KRT71: variants seen among roughly 807,000 people sequenced by gnomAD.
KRT71 encodes the protein keratin 71.
KRT71 carries 42 observed loss-of-function variants against 46.2 expected under a neutral mutation model. The observed-to-expected ratio is 0.91, with a 90% CI of 0.71 to 1.18. KRT71 has a LOEUF of 1.18. KRT71 is among the 50% of genes most tolerant of loss of function. The pLI, the probability that KRT71 is intolerant of heterozygous loss-of-function variation, is 0.00. For missense variants in KRT71, 708 were observed against 677.9 expected (o/e 1.04, Z -0.49); for synonymous variants, 292 against 277.8 (o/e 1.05, Z -0.51).
In KRT71 at chr12:52,549,288, C is replaced by G. The variant is rs1017252675; in HGVS notation, c.717+5G>C. The G allele has an allele frequency of 5.0e-6, 8 of 1,612,878 alleles. No homozygotes were observed. The African/African-American group carries it at 1.1e-4, about 22-fold the overall frequency. ...CCCGGGACTCAGGGCCTGCCTTCCC[C>G]TCACCTTCTTGAGCAGCACAAACTC... On this transcript the variant is annotated splice_donor_5th_base_variant and intron_variant, in intron 3 of 8. Coordinates refer to ENST00000267119, the MANE Select transcript of KRT71 (RefSeq NM_033448.3).
chr12:52,546,369 C>T lies in KRT71; in HGVS notation c.1242G>A (p.Glu414=). 6.2e-7 allele frequency: 1 copy of T among 1,614,188 alleles called. No homozygotes were observed. The highest frequency in any genetic ancestry group is 8.5e-7 in the Non-Finnish European group (1 of 1,180,032). ...GCTTCAGGCTCATGAGCTCCTGGTA[C>T]TCGCGCAGCATCCGCGCCAGCTCCT... The part of the protein sequence containing the change: ...AKEELARMLR[E]YQELMSLKLA... Residue 414 remains glutamate, a synonymous_variant, in exon 7 of 9, where the codon GAG becomes GAA. Coordinates refer to ENST00000267119, the MANE Select transcript of KRT71 (RefSeq NM_033448.3).
At chr12:52,551,636 T>A (rs980892174) in intron 1 of KRT71, among the ~76,000 whole-genome samples, 1 of 152,110 alleles carries the variant, frequency 6.6e-6, no homozygotes, top group Non-Finnish European at 1.5e-5. Flanking sequence ...GGTTGACCCG[T>A]CCTTGGTGCC....
intron 4 of KRT71, 38 bp downstream of exon 4, chr12:52,548,663 G>A (rs774445333): frequency 6.4e-7 from 1 of 1,570,492 alleles, no homozygotes; most frequent in Admixed American, 1.7e-5. Context: ...TAACCCACCA[G>A]CCTCCCCTAG....
At chr12:52,550,923 TC>T (rs1939158000) in intron 1 of KRT71, among the ~76,000 whole-genome samples, 1 of 152,228 alleles carries the variant, frequency 6.6e-6, no homozygotes. Context: ...AAATGTGACT[TC>T]CCTTAATCTA....
At chr12:52,548,504 G>A (rs550064454) in intron 4 of KRT71, among the ~76,000 whole-genome samples, 188 bp from the exon 5 acceptor site, 13 of 152,314 alleles carry the variant, frequency 8.5e-5, no homozygotes, top group African/African-American at 2.4e-4. Context: ...TCCCACTGCC[G>A]TGGAGCAAGG....
rs1939081956 is a variant in KRT71 at position 52,547,840 on chromosome 12, G to A, written c.1104+17C>T. 6.2e-7 allele frequency: 1 copy of A among 1,613,200 alleles called. No homozygotes were observed. The highest frequency in any genetic ancestry group is 8.5e-7 in the Non-Finnish European group (1 of 1,179,568). ...TCCCCTGCACTTGACCACAGGCCAA[G>A]GCCAACGTGCTCTCACCTGCTTCTT... On this transcript the variant is annotated intron_variant, in intron 6 of 8. Transcript: ENST00000267119.
chr12:52,549,269 A>G lies in KRT71; in HGVS notation c.717+24T>C, dbSNP rs373915200. The G allele has an allele frequency of 3.7e-5, 59 of 1,599,576 alleles. No individual in the cohort carries two copies. The African/African-American group carries it at 7.4e-4, about 20-fold the overall frequency. Reference sequence around the variant, plus strand: ...TCCAGGTCCCAGGCCAGCCCCCGGGACTCAGGGCCTGCCTTCCCCTCACCT... The same window carrying G: ...TCCAGGTCCCAGGCCAGCCCCCGGGGCTCAGGGCCTGCCTTCCCCTCACCT... On this transcript the variant is annotated intron_variant, in intron 3 of 8. Coordinates refer to ENST00000267119, the MANE Select transcript of KRT71 (RefSeq NM_033448.3).
At chr12:52,545,107 T>C (rs1939037464) in intron 8 of KRT71, among the ~76,000 whole-genome samples, 1 of 152,224 alleles carries the variant, frequency 6.6e-6, no homozygotes, top group Admixed American at 6.5e-5. Flanking sequence ...GCAGGCATCT[T>C]TCCCAAGCTC....
intron 6 of KRT71, among the ~76,000 whole-genome samples, chr12:52,546,717 A>G (rs1037259292): frequency 1.3e-5 from 2 of 152,250 alleles, no homozygotes; most frequent in African/African-American, 4.8e-5. Flanking sequence ...GGGTGATGGA[A>G]ATCATGCAGC....
chr12:52,547,934 T>A lies in KRT71; in HGVS notation c.1027A>T (p.Asn343Tyr), dbSNP rs1939085038. 1 of 1,614,106 alleles carries A rather than the reference T, an allele frequency of 6.2e-7. No individual in the cohort carries two copies. Among genetic ancestry groups the A allele is most frequent in the South Asian group, 1.1e-5 (1 of 91,080 alleles). Reference sequence around the variant, plus strand: ...AGCTCCGAGATTTCATTCTTGGTGTTTTTGAGGTCGTCCCCATGCCTGCCA... The same window carrying A: ...AGCTCCGAGATTTCATTCTTGGTGTATTTGAGGTCGTCCCCATGCCTGCCA... ...AAGRHGDDLK[N>Y]TKNEISELTR... is the part of the protein sequence containing the mutation. Residue 343 changes from asparagine to tyrosine, a missense_variant, in exon 6 of 9, where the codon AAC (asparagine) becomes TAC (tyrosine). Physicochemically the swap from Asn to Tyr is moderately radical, Grantham distance 143 (BLOSUM62 -2). Transcript: ENST00000267119.
chr12:52,550,091 G>A lies in KRT71; in HGVS notation c.594C>T (p.Asp198=), dbSNP rs1939140370. ...TCAGCTCCGAGTCCAGCCTCACCCT[G>A]TCCCCAGACAGCGTCTCCAGCTGCT... ...LRKQLETLSG[D]RVRLDSELRN... is the part of the protein sequence containing the mutation. The change falls in exon 2 of 9, where the codon GAC becomes GAT. Residue 198 remains aspartate (D), a synonymous_variant. Coordinates refer to ENST00000267119, the MANE Select transcript of KRT71 (RefSeq NM_033448.3). 2 of 1,614,022 alleles carry A rather than the reference G, an allele frequency of 1.2e-6. No individual in the cohort carries two copies. Among genetic ancestry groups the A allele is most frequent in the Non-Finnish European group, 1.7e-6 (2 of 1,180,012 alleles).
chr12:52,545,716 A>G (rs766646237), intron 7 of KRT71, 117 bp from the exon 8 acceptor site: 282 of 636,510 alleles, frequency 4.4e-4, no homozygotes, highest in Non-Finnish European at 2.6e-4. Context: ...CACCTGTGGA[A>G]ATTCCAAAGC....
intron 1 of KRT71, among the ~76,000 whole-genome samples, chr12:52,551,494 C>T (rs1565602836): frequency 6.6e-6 from 1 of 152,236 alleles, no homozygotes; most frequent in Non-Finnish European, 1.5e-5. Flanking sequence ...GAATAAGAAG[C>T]CGCAGAGCCA....
At chr12:52,545,455 C>A in intron 8 of KRT71, 110 bp downstream of exon 8, 2 of 660,988 alleles carry the variant, frequency 3.0e-6, no homozygotes, top group Non-Finnish European at 5.1e-6. Context: ...TCAGGCAAAG[C>A]TTTTCCCTCT....
Position 52,552,771 on chromosome 12 carries a change from G to A in KRT71, c.307C>T (p.His103Tyr), listed in dbSNP as rs764077605. The stretch of plus-strand genomic sequence containing the variant: ...AGGCTCTCATTGACGGTAACCTGGT[G>A]GATGCCTCCAGGTGGGCATACAGTT... ...CPTVCPPGGI[H>Y]QVTVNESLLA... The change falls in exon 1 of 9, where the codon CAC becomes TAC. Residue 103 changes from histidine to tyrosine, a missense_variant. Physicochemically the swap from His to Tyr is moderately conservative, Grantham distance 83 (BLOSUM62 2). Transcript: ENST00000267119. 1 of 1,614,198 alleles carries A rather than the reference G, an allele frequency of 6.2e-7. No individual in the cohort carries two copies. Among genetic ancestry groups the A allele is most frequent in the East Asian group, 2.2e-5 (1 of 44,882 alleles).
intron 1 of KRT71, among the ~76,000 whole-genome samples, chr12:52,550,456 C>G (rs530737381): frequency 6.6e-6 from 1 of 152,158 alleles, no homozygotes; most frequent in African/African-American, 2.4e-5. Flanking sequence ...CGGTGGAGCC[C>G]GGAACTGAAT....
rs774483363 is a variant in KRT71, at chr12:52,544,624, C to T, written c.1480G>A (p.Glu494Lys). The stretch of plus-strand genomic sequence containing the variant: ...TTGGCACTGCCCCGGCTCCTGCCCT[C>T]CCCGCCTCTCACGCTGCACACTCCA... Reference protein sequence around the residue: ...ISGVCSVRGGEGRSRGSANDY... With the variant: ...ISGVCSVRGGKGRSRGSANDY... Residue 494 changes from glutamate (E) to lysine (K), a missense_variant, in exon 9 of 9, where the codon GAG becomes AAG. Glu to Lys is a moderately conservative substitution (Grantham distance 56, BLOSUM62 1). Coordinates refer to ENST00000267119, the MANE Select transcript of KRT71 (RefSeq NM_033448.3). 3.4e-5 allele frequency: 55 copies of T among 1,614,004 alleles called. No individual in the cohort carries two copies. Among genetic ancestry groups the T allele is most frequent in the Non-Finnish European group, 4.6e-5 (54 of 1,180,032 alleles).
Position 52,546,385 on chromosome 12 carries a change from G to T in KRT71, c.1226C>A (p.Ala409Glu). Residue 409 changes from alanine to glutamate, a missense_variant, in exon 7 of 9, where the codon GCG (alanine) becomes GAG (glutamate). Ala to Glu is a moderately radical substitution (Grantham distance 107, BLOSUM62 -1). Coordinates refer to ENST00000267119, the MANE Select transcript of KRT71 (RefSeq NM_033448.3). ...GALHQAKEEL[A>E]RMLREYQELM... is the part of the protein sequence containing the mutation. ...CTCCTGGTACTCGCGCAGCATCCGC[G>T]CCAGCTCCTCCTTGGCCTGGTGCAG... The T allele has an allele frequency of 1.2e-6, 2 of 1,614,204 alleles. No individual in the cohort carries two copies. The highest frequency in any genetic ancestry group is 1.7e-6 in the Non-Finnish European group (2 of 1,180,028).
chr12:52,544,176 G>A lies in KRT71; in HGVS notation c.*356C>T. On this transcript the variant is annotated 3_prime_UTR_variant, in exon 9 of 9. Coordinates refer to ENST00000267119, the MANE Select transcript of KRT71 (RefSeq NM_033448.3). ...CAGGAACTATGCTAGGTCCCAGTGT[G>A]TGCGGGGCCTTGGGCAGAGACCCAG... 1 of 341,890 alleles carries A rather than the reference G, an allele frequency of 2.9e-6. No homozygotes were observed. The highest frequency in any genetic ancestry group is 3.2e-5 in the South Asian group (1 of 30,782). The allele number at this position is 341,890 out of a possible 1,614,324, so 21.2% of individuals were successfully genotyped here.
Sources: gnomAD v4.1 joint callset for allele counts (sites outside exome capture counted in the v4.1 genomes callset) on GRCh38, gnomAD v4.1.1 for gene constraint, MANE v1.5 for transcripts, NCBI Gene and HGNC (gene_info 2026-07-23, HGNC 2026-07-21) for gene names.